CHMP3: variants seen among roughly 807,000 people sequenced by gnomAD.
CHMP3 encodes the protein 25.1 protein.
In CHMP3, 8 loss-of-function variants were observed where a neutral mutation model predicts 27.4. The observed-to-expected ratio is 0.29, with a 90% confidence interval of 0.17 to 0.53. The LOEUF (loss-of-function observed/expected upper bound fraction) is 0.53. Ranked by LOEUF, CHMP3 falls within the 20% of genes least tolerant of loss-of-function variation. CHMP3 has a pLI of 0.96. For synonymous variants in CHMP3, 86 were observed against 85.5 expected, an observed-to-expected ratio of 1.01 and a Z score of -0.03; for missense variants, 208 against 271.5, an observed-to-expected ratio of 0.77 and a Z score of 1.64.
chr2:86,505,630 C>T lies in CHMP3; in HGVS notation c.*174G>A. On this transcript the variant is annotated 3_prime_UTR_variant, in exon 6 of 6. Transcript: ENST00000263856. ...CCTAAAAATGATGCATTTATTTATG[C>T]CACTTTTATAAGAACAATCCCTTTG... The T allele has an allele frequency of 1.2e-6, 1 of 842,206 alleles. No individual in the cohort carries two copies. The highest frequency in any genetic ancestry group is 3.2e-5 in the Admixed American group (1 of 31,194). 52.2% of individuals were successfully genotyped at this position (842,206 alleles called of 1,614,324 possible). A position where few individuals can be genotyped will look rare whatever the true frequency, so the allele number is the denominator to read the frequency against.
intron 3 of CHMP3, among the ~76,000 whole-genome samples, chr2:86,517,896 T>C (rs548897211): frequency 6.6e-6 from 1 of 152,062 alleles, no homozygotes; most frequent in South Asian, 2.1e-4. Flanking sequence ...TGGCTCGTGC[T>C]TGTAGTCCCA....
intron 3 of CHMP3, among the ~76,000 whole-genome samples, chr2:86,523,141 T>C (rs1675576040): frequency 6.6e-6 from 1 of 152,208 alleles, no homozygotes; most frequent in Non-Finnish European, 1.5e-5. Context: ...GCCCATCCTC[T>C]CCAGCTATCC....
chr2:86,558,431 C>T (rs1419107424), intron 1 of CHMP3, among the ~76,000 whole-genome samples: 1 of 152,210 alleles, frequency 6.6e-6, no homozygotes, highest in Admixed American at 6.5e-5. Context: ...CATCTTGGGA[C>T]TACCTGACCT....
At chr2:86,545,490 A>C (rs75110956) in intron 1 of CHMP3, among the ~76,000 whole-genome samples, 2 of 97,788 alleles carry the variant, frequency 2.0e-5, no homozygotes, top group Admixed American at 1.1e-4. Context: ...CGCTCCTCAC[A>C]TCCCAGATGG....
At chr2:86,518,745 T>C (rs548857991) in intron 3 of CHMP3, among the ~76,000 whole-genome samples, 31 of 152,020 alleles carry the variant, frequency 2.0e-4, no homozygotes, top group African/African-American at 6.5e-4. Flanking sequence ...TGGCCCCAAA[T>C]ACTGCCAAAT....
At chr2:86,524,860 A>G (rs1412385598) in intron 3 of CHMP3, among the ~76,000 whole-genome samples, 3 of 152,240 alleles carry the variant, frequency 2.0e-5, no homozygotes, top group Admixed American at 6.5e-5. Context: ...TTCCATAATA[A>G]GAAGTTAAAG....
intron 2 of CHMP3, among the ~76,000 whole-genome samples, chr2:86,535,357 T>C (rs1163434394): frequency 6.6e-6 from 1 of 152,142 alleles, no homozygotes; most frequent in Non-Finnish European, 1.5e-5. Flanking sequence ...CCTTATTTCC[T>C]GCATTAATGT....
intron 1 of CHMP3, 149 bp from the exon 2 acceptor site, chr2:86,542,461 CT>C (rs1208283077): frequency 6.8e-5 from 51 of 753,256 alleles, no homozygotes; most frequent in South Asian, 9.2e-5. Context: ...TCAAATTTTA[CT>C]TTTTTTTAAT....
At chr2:86,547,711 A>G (rs1409527738) in intron 1 of CHMP3, among the ~76,000 whole-genome samples, 1 of 152,234 alleles carries the variant, frequency 6.6e-6, no homozygotes, top group Non-Finnish European at 1.5e-5. Flanking sequence ...GACTACTACA[A>G]TAAAAGGAAA....
At position 86,548,687 on chromosome 2, in the gene CHMP3, C is replaced by T. The variant is rs78469077; in HGVS notation, c.46-6375G>A. On this transcript the variant is annotated intron_variant, in intron 1 of 5. Coordinates refer to ENST00000263856, the MANE Select transcript of CHMP3 (RefSeq NM_016079.4). ...CGCCATCGTCATCATGGCCTGTTCTCGATGGTCACTGTCTCTTCGGAGCTA... is the reference window on the plus strand; with the variant it reads ...CGCCATCGTCATCATGGCCTGTTCTTGATGGTCACTGTCTCTTCGGAGCTA... Among the ~76,000 whole-genome samples, 665 of 152,306 alleles carry T rather than the reference C, an allele frequency of 4.4e-3. 1 individual carries two copies. The highest frequency in any genetic ancestry group is 6.2e-3 in the Non-Finnish European group (425 of 68,020).
chr2:86,548,500 T>TGG (rs978964057), intron 1 of CHMP3, among the ~76,000 whole-genome samples: 2 of 152,192 alleles, frequency 1.3e-5, no homozygotes, highest in Non-Finnish European at 2.9e-5. Context: ...AGCACGGGGT[T>TGG]GGGGGTAAGG....
rs563398415 is a variant in CHMP3, at chr2:86,548,265, A to G, written c.46-5953T>C. Among the ~76,000 whole-genome samples, 12 of 149,064 alleles carry G rather than the reference A, an allele frequency of 8.1e-5. No homozygotes were observed. The East Asian group carries it at 2.4e-3, about 30-fold the overall frequency. On this transcript the variant is annotated intron_variant, in intron 1 of 5. Coordinates refer to ENST00000263856, the MANE Select transcript of CHMP3 (RefSeq NM_016079.4). ...GGATGTGGCAGGGTCATAGGATAATAGTGGAGAGAAGGTCAGCAGATAAAC... is the reference window on the plus strand; with the variant it reads ...GGATGTGGCAGGGTCATAGGATAATGGTGGAGAGAAGGTCAGCAGATAAAC...
At chr2:86,560,329 A>C (rs1677299639) in intron 1 of CHMP3, among the ~76,000 whole-genome samples, 2 of 152,022 alleles carry the variant, frequency 1.3e-5, no homozygotes, top group South Asian at 4.1e-4. Context: ...AATGTCCATC[A>C]ATCATAGACT....
chr2:86,540,791 G>A (rs1346202992), intron 2 of CHMP3: 3 of 149,280 alleles, frequency 2.0e-5, no homozygotes, highest in Non-Finnish European at 4.4e-5. Flanking sequence ...TATAATAGCT[G>A]CTTAAAAATC....
intron 3 of CHMP3, among the ~76,000 whole-genome samples, chr2:86,516,461 C>T (rs777513852): frequency 6.6e-6 from 1 of 152,130 alleles, no homozygotes; most frequent in Non-Finnish European, 1.5e-5. Flanking sequence ...ACAATCAGCA[C>T]CATAGACCTA....
At position 86,529,444 on chromosome 2, in the gene CHMP3, T is replaced by C. The variant is rs373161444; in HGVS notation, c.107-47A>G. The C allele has an allele frequency of 1.0e-4, 150 of 1,506,334 alleles. 2 individuals carry two copies. The highest frequency in any genetic ancestry group is 3.6e-4 in the South Asian group (26 of 72,970). The allele number at this position is 1,506,334 out of a possible 1,614,324, so 93.3% of individuals were successfully genotyped here. On this transcript the variant is annotated intron_variant, in intron 2 of 5. Coordinates refer to ENST00000263856, the MANE Select transcript of CHMP3 (RefSeq NM_016079.4). ...AAAAATCAAGGGTAAGTCAGGTTTATTGGCACTCAAATACATTCTTATTGT... is the reference window on the plus strand; with the variant it reads ...AAAAATCAAGGGTAAGTCAGGTTTACTGGCACTCAAATACATTCTTATTGT...
intron 2 of CHMP3, among the ~76,000 whole-genome samples, chr2:86,532,262 T>C (rs1435520232): frequency 6.6e-6 from 1 of 152,170 alleles, no homozygotes; most frequent in Non-Finnish European, 1.5e-5. Context: ...ATCGTTAATA[T>C]AGAGAAATAC....
At chr2:86,510,222 C>T in intron 4 of CHMP3, 136 bp downstream of exon 4, 1 of 1,352,422 alleles carries the variant, frequency 7.4e-7, no homozygotes, top group Non-Finnish European at 9.9e-7. Context: ...TCAATGTTAA[C>T]AGCTACTCCT....
At chr2:86,553,151 A>G (rs775753927) in intron 1 of CHMP3, among the ~76,000 whole-genome samples, 12 of 151,660 alleles carry the variant, frequency 7.9e-5, no homozygotes, top group Non-Finnish European at 1.2e-4. Context: ...ATGTTTACCT[A>G]TGTAACAAAC....
Sources: gnomAD v4.1 joint callset for allele counts (sites outside exome capture counted in the v4.1 genomes callset) on GRCh38, gnomAD v4.1.1 for gene constraint, MANE v1.5 for transcripts, NCBI Gene and HGNC (gene_info 2026-07-23, HGNC 2026-07-21) for gene names.